Variants in KLK3 observed in about 807,000 individuals in gnomAD.
KLK3 encodes the protein kallikrein related peptidase 3, also known as prostate-specific antigen.
Under a neutral mutation model 27.7 loss-of-function variants are expected in KLK3, and 23 were observed. That is an observed-to-expected ratio of 0.83 (90% CI 0.60 to 1.17). KLK3 has a LOEUF of 1.17. Among genes scored for constraint, KLK3 ranks in the 50% most tolerant of loss-of-function variants. KLK3 has a pLI of 0.00. For missense variants in KLK3, 322 were observed against 338.1 expected (o/e 0.95, Z 0.37); for synonymous variants, 142 against 134.2 (o/e 1.06, Z -0.40).
chr19:50,859,504 C>G, intron 4 of KLK3: 1 of 1,586,218 alleles, frequency 6.3e-7, no homozygotes, highest in Non-Finnish European at 8.7e-7. Flanking sequence ...TCTCTCCCCT[C>G]CACTCCATTC....
In KLK3 at chr19:50,860,459, T is replaced by C. The variant is rs752217318; in HGVS notation, c.*332T>C. 8.1e-4 allele frequency: 170 copies of C among 209,558 alleles called. 2 individuals carry two copies. The highest frequency in any genetic ancestry group is 1.9e-4 in the Non-Finnish European group (20 of 104,548). The allele number at this position is 209,558 out of a possible 1,614,324, so 13.0% of individuals were successfully genotyped here. ...CACTGAGAGAGTGGAGAGTGACATG[T>C]GCTGGACACTGTCCATGAAGCACTG... On this transcript the variant is annotated 3_prime_UTR_variant, in exon 5 of 5. Transcript: ENST00000326003.
rs1279412249 is a variant in KLK3, at chr19:50,855,258, G to C, written c.46+257G>C. 4 of 542,760 alleles carry C rather than the reference G, an allele frequency of 7.4e-6. No homozygotes were observed. The East Asian group carries it at 9.1e-5, about 12-fold the overall frequency. 33.6% of individuals were successfully genotyped at this position (542,760 alleles called of 1,614,324 possible). A position where few individuals can be genotyped will look rare whatever the true frequency, so the allele number is the denominator to read the frequency against. On this transcript the variant is annotated intron_variant, in intron 1 of 4. Coordinates refer to ENST00000326003, the MANE Select transcript of KLK3 (RefSeq NM_001648.2). The stretch of plus-strand genomic sequence containing the variant: ...TTGCCCAGCCAGCTCCCTGCTCCCA[G>C]CTGCTTTACTAAAGGGGAAGTTCCT...
chr19:50,856,910 C>A (rs2090151474), intron 2 of KLK3, among the ~76,000 whole-genome samples: 1 of 151,998 alleles, frequency 6.6e-6, no homozygotes, highest in African/African-American at 2.4e-5. Context: ...CACCTGTAAT[C>A]CCAGCACTTT....
At chr19:50,855,234 T>A in intron 1 of KLK3, 1 of 556,768 alleles carries the variant, frequency 1.8e-6, no homozygotes, top group South Asian at 2.3e-5. Flanking sequence ...TTCTCCCCAT[T>A]GCCCAGCCAG....
At chr19:50,858,918 G>A in intron 4 of KLK3, 1 of 483,082 alleles carries the variant, frequency 2.1e-6, no homozygotes, top group Non-Finnish European at 3.6e-6. Flanking sequence ...TAGCCCCCAA[G>A]CCAGTGAGGG....
rs112372888 is a variant in KLK3 at position 50,858,306 on chromosome 19, C to T, written c.484C>T (p.Pro162Ser). ...CGCCTCAGGCTGGGGCAGCATTGAA[C>T]CAGAGGAGTGTACGCCTGGGCCAGA... is the stretch of plus-strand genomic sequence containing the variant. ...CYASGWGSIEPEEFLTPKKLQ... is the reference protein window; with the variant it reads ...CYASGWGSIESEEFLTPKKLQ... The change falls in exon 3 of 5, where the codon CCA (proline) becomes TCA (serine). Residue 162 changes from proline (P) to serine (S), a missense_variant. Pro to Ser is a moderately conservative substitution (Grantham distance 74). Coordinates refer to ENST00000326003, the MANE Select transcript of KLK3 (RefSeq NM_001648.2). 1.2e-4 allele frequency: 187 copies of T among 1,612,976 alleles called. 1 individual carries two copies. The highest frequency in any genetic ancestry group is 1.5e-4 in the Non-Finnish European group (172 of 1,179,460).
chr19:50,856,219 G>T, intron 1 of KLK3, 21 bp from the exon 2 acceptor site: 1 of 1,605,438 alleles, frequency 6.2e-7, no homozygotes, highest in Non-Finnish European at 8.5e-7. Flanking sequence ...TGATTCCCCT[G>T]ATCTAGCACC....
At position 50,860,299 on chromosome 19, in the gene KLK3, A is replaced by G. The variant is rs1265108713; in HGVS notation, c.*172A>G. The stretch of plus-strand genomic sequence containing the variant: ...GACCAGAGTGTTTCTTAAATGGTGT[A>G]ATTTTGTCCTCTCTGTGTCCTGGGG... On this transcript the variant is annotated 3_prime_UTR_variant, in exon 5 of 5. Transcript: ENST00000326003. 1 of 543,794 alleles carries G rather than the reference A, an allele frequency of 1.8e-6. No homozygotes were observed. The allele number at this position is 543,794 out of a possible 1,614,324, so 33.7% of individuals were successfully genotyped here.
At chr19:50,859,730 C>A in intron 4 of KLK3, 1 of 1,532,042 alleles carries the variant, frequency 6.5e-7, no homozygotes, top group Non-Finnish European at 8.8e-7. Context: ...CTCGTGGACC[C>A]TCCCCTCTGC....
In KLK3 at chr19:50,860,361, C is replaced by G; in HGVS notation, c.*234C>G. ...TGCCTGGAGACATATCACTCAATTT[C>G]TCTGAGGACACAGATAGGATGGGGT... is the stretch of plus-strand genomic sequence containing the variant. On this transcript the variant is annotated 3_prime_UTR_variant, in exon 5 of 5. Transcript: ENST00000326003. 1 of 426,686 alleles carries G rather than the reference C, an allele frequency of 2.3e-6. No homozygotes were observed. The highest frequency in any genetic ancestry group is 2.0e-5 in the African/African-American group (1 of 50,470). 26.4% of individuals were successfully genotyped at this position (426,686 alleles called of 1,614,324 possible).
chr19:50,858,874 C>A, intron 4 of KLK3: 1 of 551,574 alleles, frequency 1.8e-6, no homozygotes, highest in South Asian at 2.7e-5. Context: ...TGGGACATAG[C>A]AGTGAACAGA....
At chr19:50,855,936 C>T (rs1476006005) in intron 1 of KLK3, 2 of 248,806 alleles carry the variant, frequency 8.0e-6, no homozygotes, top group Non-Finnish European at 1.5e-5. Flanking sequence ...ACAAAGGACC[C>T]AATCCCCAGA....
At chr19:50,856,680 C>T (rs556528387) in intron 2 of KLK3, 5 of 390,188 alleles carry the variant, frequency 1.3e-5, no homozygotes, top group Admixed American at 4.4e-5. Context: ...ATTTTGTTCT[C>T]TCTCTCCCTC....
intron 4 of KLK3, 174 bp from the exon 5 acceptor site, chr19:50,859,798 T>A: frequency 6.8e-7 from 1 of 1,465,660 alleles, no homozygotes; most frequent in Non-Finnish European, 9.0e-7. Flanking sequence ...CCCCTACCCC[T>A]CTGTTGGAAT....
chr19:50,858,922 G>A (rs1568496664), intron 4 of KLK3: 1 of 477,564 alleles, frequency 2.1e-6, no homozygotes, highest in East Asian at 3.2e-5. Flanking sequence ...CCCCAAGCCA[G>A]TGAGGGGCAC....
chr19:50,855,887 C>A, intron 1 of KLK3: 1 of 189,286 alleles, frequency 5.3e-6, no homozygotes, highest in Non-Finnish European at 1.1e-5. Flanking sequence ...ACAACTTGTA[C>A]CAAGTTTCCC....
At chr19:50,859,767 CCCCA>C (rs1424149538) in intron 4 of KLK3, 2 of 1,480,724 alleles carry the variant, frequency 1.4e-6, no homozygotes, top group Non-Finnish European at 1.8e-6. Flanking sequence ...GAAGTCCCTT[CCCCA>C]CCGGCCAGGA....
At chr19:50,855,298 T>C (rs2090140278) in intron 1 of KLK3, 1 of 487,664 alleles carries the variant, frequency 2.1e-6, no homozygotes. Flanking sequence ...ATCTCCGTGT[T>C]TCTCTTTGTG....
chr19:50,856,480 T>C, intron 2 of KLK3, 81 bp downstream of exon 2: 26 of 1,519,104 alleles, frequency 1.7e-5, no homozygotes, highest in Non-Finnish European at 2.2e-5. Context: ...CAGGATAACC[T>C]CTAAGGCCAG....
Sources: allele counts gnomAD v4.1 joint callset (sites outside exome capture counted in the v4.1 genomes callset), GRCh38; gene constraint gnomAD v4.1.1; transcripts MANE v1.5; gene names NCBI Gene and HGNC (gene_info 2026-07-23, HGNC 2026-07-21).